Variants in LRRC56 observed in about 807,000 individuals in gnomAD.
The protein encoded by LRRC56 is leucine-rich repeat-containing protein 56.
Under a neutral mutation model 47.8 loss-of-function variants are expected in LRRC56, and 41 were observed. That is an observed-to-expected ratio of 0.86 (90% CI 0.67 to 1.11). LRRC56 has a LOEUF of 1.11. LRRC56 is among the 50% of genes most tolerant of loss of function. The pLI is 0.00. For missense variants in LRRC56, 759 were observed against 704.2 expected, an observed-to-expected ratio of 1.08 and a Z score of -0.88; for synonymous variants, 387 against 311.2, an observed-to-expected ratio of 1.24 and a Z score of -2.56.
the LRRC56 span, among the ~76,000 whole-genome samples, chr11:522,877 T>A: frequency 1.3e-5 from 2 of 152,160 alleles, no homozygotes; most frequent in Non-Finnish European, 2.9e-5. Flanking sequence ...GCCTCCCAAG[T>A]AGCTGGAATT....
In LRRC56 at chr11:551,635, T is replaced by G. The variant is rs771057835; in HGVS notation, c.797-16T>G. 4 of 1,540,704 alleles carry G rather than the reference T, an allele frequency of 2.6e-6. No homozygotes were observed. The East Asian group carries it at 9.1e-5, about 35-fold the overall frequency. Reference sequence around the variant, plus strand: ...AGGCTGGGCCTTGGTGACCTCTGCTTCTGAACCTCGGGCAGACTGTCCCCG... The same window carrying G: ...AGGCTGGGCCTTGGTGACCTCTGCTGCTGAACCTCGGGCAGACTGTCCCCG... On this transcript the variant is annotated splice_polypyrimidine_tract_variant and intron_variant, in intron 9 of 13. Coordinates refer to ENST00000270115, the MANE Select transcript of LRRC56 (RefSeq NM_198075.4).
At chr11:518,982 G>T in the LRRC56 span, among the ~76,000 whole-genome samples, 5 of 152,016 alleles carry the variant, frequency 3.3e-5, no homozygotes, top group African/African-American at 1.2e-4. Context: ...AAGACGCGGC[G>T]CGCTTACGAG....
At chr11:539,475 C>G (rs1005870464) in intron 2 of LRRC56, 105 bp from the exon 3 acceptor site, 1 of 150,068 alleles carries the variant, frequency 6.7e-6, no homozygotes, top group Non-Finnish European at 1.5e-5. Flanking sequence ...AGCTCCGCCT[C>G]GCGGGTTCAT....
In LRRC56 at chr11:550,319, C is replaced by T. The variant is rs754178196; in HGVS notation, c.624+47C>T. On this transcript the variant is annotated intron_variant, in intron 8 of 13. Coordinates refer to ENST00000270115, the MANE Select transcript of LRRC56 (RefSeq NM_198075.4). ...CCAGCATGTGCATGGCCAGGAGAGG[C>T]TCCCTGTGGCTCCAGCCCCGGGGCC... The T allele has an allele frequency of 9.6e-6, 14 of 1,461,768 alleles. No individual in the cohort carries two copies. The African/African-American group carries it at 1.1e-4, about 12-fold the overall frequency. The allele number at this position is 1,461,768 out of a possible 1,614,324, so 90.5% of individuals were successfully genotyped here. A position where few individuals can be genotyped will look rare whatever the true frequency, so the allele number is the denominator to read the frequency against.
In LRRC56 at chr11:554,258, C is replaced by T. The variant is rs755669881; in HGVS notation, c.1611C>T (p.Pro537=). The part of the protein sequence containing the change: ...RPPRAAELSH[P]SPVPT ...CCAGGGCAGCTGAACTCTCTCACCC[C>T]AGCCCCGTCCCCACTTAATATAGCC... The change falls in exon 14 of 14, where the codon CCC becomes CCT. Residue 537 remains proline (P), a synonymous_variant. Coordinates refer to ENST00000270115, the MANE Select transcript of LRRC56 (RefSeq NM_198075.4). The T allele has an allele frequency of 1.3e-6, 2 of 1,495,082 alleles. No individual in the cohort carries two copies. The highest frequency in any genetic ancestry group is 1.8e-6 in the Non-Finnish European group (2 of 1,126,522). The allele number at this position is 1,495,082 out of a possible 1,614,324, so 92.6% of individuals were successfully genotyped here.
upstream of LRRC56, among the ~76,000 whole-genome samples, chr11:535,753 G>T (rs1851461166): frequency 6.6e-6 from 1 of 152,118 alleles, no homozygotes; most frequent in African/African-American, 2.4e-5. Context: ...GGCCTCTCGG[G>T]GTTGGGCTTG....
chr11:544,827 C>G (rs76537666), intron 6 of LRRC56, 47 bp downstream of exon 6: 1 of 1,473,604 alleles, frequency 6.8e-7, no homozygotes. Context: ...TGAGGGGGTC[C>G]GATGGGACAG....
At chr11:511,874 C>T in the LRRC56 span, among the ~76,000 whole-genome samples, 4 of 152,156 alleles carry the variant, frequency 2.6e-5, no homozygotes, top group East Asian at 1.9e-4. Context: ...ACAGACAAGG[C>T]GCTGGAGGGA....
chr11:521,053 G>A, the LRRC56 span, among the ~76,000 whole-genome samples: 5 of 152,176 alleles, frequency 3.3e-5, no homozygotes, highest in African/African-American at 7.2e-5. Flanking sequence ...CACCGCCAGC[G>A]TACTCCGGAC....
At chr11:539,237 C>T (rs1457873517) in intron 2 of LRRC56, among the ~76,000 whole-genome samples, 13 of 152,092 alleles carry the variant, frequency 8.5e-5, no homozygotes, top group South Asian at 2.1e-4. Flanking sequence ...TCCGCCACCA[C>T]GCCTGGCTAA....
the LRRC56 span, among the ~76,000 whole-genome samples, chr11:509,107 C>G: frequency 6.6e-6 from 1 of 152,142 alleles, no homozygotes; most frequent in Non-Finnish European, 1.5e-5. Flanking sequence ...CACACACACC[C>G]CCAAGAAAGC....
At chr11:527,182 T>G in the LRRC56 span, among the ~76,000 whole-genome samples, 15 of 151,594 alleles carry the variant, frequency 9.9e-5, no homozygotes, top group Admixed American at 3.3e-4. Flanking sequence ...GCACCTGTAA[T>G]CCCAGCTACT....
chr11:545,349 G>A (rs1564801215), intron 6 of LRRC56, among the ~76,000 whole-genome samples: 1 of 152,208 alleles, frequency 6.6e-6, no homozygotes, highest in African/African-American at 2.4e-5. Flanking sequence ...GCCCCCGCAC[G>A]GCTCATTGCA....
intron 2 of LRRC56, among the ~76,000 whole-genome samples, 198 bp downstream of exon 2, chr11:539,058 C>T (rs34046876): frequency 0.097 from 14,697 of 152,190 alleles, 973 homozygotes; most frequent in Admixed American, 0.19. Flanking sequence ...GGCCTGGGGC[C>T]GAGGCAGATG....
chr11:552,380 T>C, intron 12 of LRRC56, 148 bp downstream of exon 12: 1 of 1,278,840 alleles, frequency 7.8e-7, no homozygotes. Context: ...GGGCTGGGGC[T>C]ACCTTGGCTG....
chr11:508,243 G>A, the LRRC56 span, among the ~76,000 whole-genome samples: 3 of 152,226 alleles, frequency 2.0e-5, no homozygotes, highest in Admixed American at 2.0e-4. Flanking sequence ...CCAGCTCGCT[G>A]CAGCCTCCAC....
chr11:533,396 G>A, upstream of LRRC56: 2 of 1,608,894 alleles, frequency 1.2e-6, no homozygotes, highest in Non-Finnish European at 1.7e-6. Context: ...GCTGCTCCCT[G>A]GCTGGGGCGG....
the LRRC56 span, among the ~76,000 whole-genome samples, chr11:510,739 CA>C: frequency 5.5e-5 from 8 of 145,530 alleles, no homozygotes; most frequent in Non-Finnish European, 3.0e-5. Context: ...AACTCCATCT[CA>C]AAAAAAAAAT....
At chr11:547,943 T>C (rs57338467) in intron 6 of LRRC56, among the ~76,000 whole-genome samples, 29,099 of 151,744 alleles carry the variant, frequency 0.19, 3,243 homozygotes, top group African/African-American at 0.32. Flanking sequence ...CTGGCCAAGA[T>C]GGTGAAACCC....
Sources: allele counts gnomAD v4.1 joint callset (sites outside exome capture counted in the v4.1 genomes callset), GRCh38; gene constraint gnomAD v4.1.1; transcripts MANE v1.5; gene names NCBI Gene and HGNC (gene_info 2026-07-23, HGNC 2026-07-21).